VWC2L: variants seen among roughly 807,000 people sequenced by gnomAD.
The protein encoded by VWC2L is von Willebrand factor C domain containing 2 like, also known as von Willebrand factor C domain-containing protein 2-like.
In VWC2L, 10 loss-of-function variants were observed where a neutral mutation model predicts 21.6. The observed-to-expected ratio is 0.46, with a 90% CI of 0.29 to 0.78. The LOEUF (loss-of-function observed/expected upper bound fraction) is 0.78, where lower values mean the gene tolerates loss of function less well. Ranked by LOEUF, VWC2L falls within the 30% of genes least tolerant of loss-of-function variation. The pLI is 0.10. For missense variants in VWC2L, 209 were observed against 277.1 expected, an observed-to-expected ratio of 0.75 and a Z score of 1.74; for synonymous variants, 96 against 94.3, an observed-to-expected ratio of 1.02 and a Z score of -0.10.
intron 2 of VWC2L, among the ~76,000 whole-genome samples, chr2:214,419,472 C>T (rs1363794867): frequency 2.6e-5 from 4 of 152,130 alleles, no homozygotes; most frequent in Non-Finnish European, 5.9e-5. Context: ...TTTCCTTATA[C>T]TTTAGAACTT....
chr2:214,522,960 T>A (rs548153874), intron 3 of VWC2L, among the ~76,000 whole-genome samples: 5 of 152,344 alleles, frequency 3.3e-5, no homozygotes, highest in African/African-American at 1.2e-4. Flanking sequence ...AAGAACATGT[T>A]GCTTGTTTAT....
At chr2:214,470,831 C>T (rs7564656) in intron 3 of VWC2L, among the ~76,000 whole-genome samples, 9,771 of 140,994 alleles carry the variant, frequency 0.069, 1,025 homozygotes, top group African/African-American at 0.24. Flanking sequence ...GCAGGAGAAT[C>T]GCTTGAACTT....
At chr2:214,551,677 C>T (rs759626374) in intron 3 of VWC2L, among the ~76,000 whole-genome samples, 1 of 152,196 alleles carries the variant, frequency 6.6e-6, no homozygotes. Flanking sequence ...TTAATCCACC[C>T]TCTTTCTTGA....
chr2:214,477,451 G>C (rs1406394364), intron 3 of VWC2L, among the ~76,000 whole-genome samples: 1 of 149,646 alleles, frequency 6.7e-6, no homozygotes, highest in African/African-American at 2.5e-5. Flanking sequence ...ACCCCCTCCT[G>C]ATTTATAAGA....
At chr2:214,452,332 A>G (rs915152872) in intron 3 of VWC2L, among the ~76,000 whole-genome samples, 1 of 152,028 alleles carries the variant, frequency 6.6e-6, no homozygotes, top group African/African-American at 2.4e-5. Flanking sequence ...TTTTTTGTAA[A>G]GACAGGTTTT....
intron 3 of VWC2L, among the ~76,000 whole-genome samples, chr2:214,533,550 A>G (rs1474626620): frequency 3.2e-5 from 1 of 31,646 alleles, no homozygotes; most frequent in Non-Finnish European, 6.2e-5. Flanking sequence ...GGGGAAAAAG[A>G]AAAAAAAAAA....
intron 3 of VWC2L, among the ~76,000 whole-genome samples, chr2:214,568,859 C>G (rs1044676449): frequency 1.3e-5 from 2 of 152,174 alleles, no homozygotes; most frequent in Non-Finnish European, 2.9e-5. Context: ...CTTCTCCCAA[C>G]AGCCTGGTAT....
At chr2:214,549,697 C>T (rs766327864) in intron 3 of VWC2L, among the ~76,000 whole-genome samples, 2 of 152,162 alleles carry the variant, frequency 1.3e-5, no homozygotes, top group Admixed American at 6.5e-5. Flanking sequence ...CATTTGAACC[C>T]GGGAGGCAGA....
At chr2:214,546,086 T>C (rs1689702565) in intron 3 of VWC2L, among the ~76,000 whole-genome samples, 1 of 151,970 alleles carries the variant, frequency 6.6e-6, no homozygotes, top group South Asian at 2.1e-4. Flanking sequence ...ATGCTTGGGG[T>C]TGAGGGGGTG....
At chr2:214,501,870 C>T (rs1489958893) in intron 3 of VWC2L, among the ~76,000 whole-genome samples, 1 of 152,140 alleles carries the variant, frequency 6.6e-6, no homozygotes, top group Non-Finnish European at 1.5e-5. Context: ...GGAAAGGTCA[C>T]TTACAGAGGG....
chr2:214,501,070 C>A (rs1181052846), intron 3 of VWC2L, among the ~76,000 whole-genome samples: 1 of 152,044 alleles, frequency 6.6e-6, no homozygotes, highest in Non-Finnish European at 1.5e-5. Context: ...TTATAGAGAC[C>A]AAGTTAGAGG....
intron 2 of VWC2L, among the ~76,000 whole-genome samples, chr2:214,431,117 G>T (rs937346407): frequency 6.6e-6 from 1 of 152,156 alleles, no homozygotes; most frequent in South Asian, 2.1e-4. Flanking sequence ...GCAAATTACC[G>T]GCTACGGGAG....
chr2:214,477,175 A>G (rs1373907212), intron 3 of VWC2L, among the ~76,000 whole-genome samples: 1 of 152,252 alleles, frequency 6.6e-6, no homozygotes, highest in Non-Finnish European at 1.5e-5. Flanking sequence ...ACAGAGCTCA[A>G]TTAGTCAGAA....
At chr2:214,491,253 C>T (rs2126201220) in intron 3 of VWC2L, among the ~76,000 whole-genome samples, 1 of 152,206 alleles carries the variant, frequency 6.6e-6, no homozygotes, top group East Asian at 1.9e-4. Context: ...TTTTAATTTT[C>T]AATGGGAGAG....
Position 214,578,612 on chromosome 2 carries a change from G to A in VWC2L, c.*2792G>A, listed in dbSNP as rs539990175. On this transcript the variant is annotated 3_prime_UTR_variant, in exon 4 of 4. Transcript: ENST00000312504. ...AACTTCCTTCTACCCAGGTCATTGAGAAATTCTTTCCAGACTCTGAACAAC... is the reference window on the plus strand; with the variant it reads ...AACTTCCTTCTACCCAGGTCATTGAAAAATTCTTTCCAGACTCTGAACAAC... 6.6e-6 allele frequency: 1 copy of A among 152,232 alleles called. No individual in the cohort carries two copies. Among genetic ancestry groups the A allele is most frequent in the African/African-American group, 2.4e-5 (1 of 41,532 alleles). 9.4% of individuals were successfully genotyped at this position (152,232 alleles called of 1,614,324 possible).
At chr2:214,492,999 T>C (rs549076980) in intron 3 of VWC2L, among the ~76,000 whole-genome samples, 14 of 152,336 alleles carry the variant, frequency 9.2e-5, no homozygotes, top group African/African-American at 2.2e-4. Flanking sequence ...GGAAATAGAA[T>C]TGATTTTCAG....
intron 3 of VWC2L, among the ~76,000 whole-genome samples, chr2:214,488,414 A>G (rs982883799): frequency 6.6e-6 from 1 of 152,276 alleles, no homozygotes; most frequent in Admixed American, 6.5e-5. Context: ...CCGTGGCAAC[A>G]TGGCAAAACC....
intron 3 of VWC2L, among the ~76,000 whole-genome samples, chr2:214,492,266 A>C (rs1183704982): frequency 6.6e-6 from 1 of 152,188 alleles, no homozygotes; most frequent in East Asian, 1.9e-4. Flanking sequence ...GACTATCCCC[A>C]GAGGTAGAGG....
chr2:214,491,201 C>A (rs1170962514), intron 3 of VWC2L, among the ~76,000 whole-genome samples: 2 of 152,070 alleles, frequency 1.3e-5, no homozygotes, highest in East Asian at 3.9e-4. Flanking sequence ...CAAAAATTAG[C>A]CCATTGCATG....
Sources: gnomAD v4.1 joint callset for allele counts (sites outside exome capture counted in the v4.1 genomes callset) on GRCh38, gnomAD v4.1.1 for gene constraint, MANE v1.5 for transcripts, NCBI Gene and HGNC (gene_info 2026-07-23, HGNC 2026-07-21) for gene names.